The following ZNF638 variants were observed in gnomAD, a reference collection of about 807,000 sequenced individuals.
ZNF638 encodes the protein zinc finger protein 638, also known as CTCL tumor antigen se33-1.
A neutral mutation model predicts 195.6 loss-of-function variants in ZNF638; 46 were observed. The ratio of observed to expected loss-of-function variants is 0.24; its 90% confidence interval spans 0.19 to 0.30. The LOEUF is 0.30. ZNF638 is among the 10% of genes least tolerant of loss of function. ZNF638 has a pLI of 1.00. For synonymous variants in ZNF638, 845 were observed against 772.0 expected (o/e 1.09, Z -1.57); for missense variants, 2,440 against 2,325.3 (o/e 1.05, Z -1.01).
chr2:71,334,740 A>C (rs184985516), intron 1 of ZNF638: 2 of 152,324 alleles, frequency 1.3e-5, no homozygotes, highest in Non-Finnish European at 2.9e-5. Context: ...TAACACGGTG[A>C]ATCCCCATCT....
At chr2:71,403,262 T>G (rs930394171) in intron 16 of ZNF638, among the ~76,000 whole-genome samples, 3 of 152,146 alleles carry the variant, frequency 2.0e-5, no homozygotes, top group African/African-American at 4.8e-5. Flanking sequence ...CCTTAAGAGA[T>G]AATTCATTTC....
At chr2:71,418,113 G>A (rs531702012) in intron 20 of ZNF638, 13 of 152,226 alleles carry the variant, frequency 8.5e-5, no homozygotes, top group African/African-American at 3.1e-4. Flanking sequence ...GCTTTCTTGG[G>A]ACCCACATAT....
chr2:71,394,295 A>T (rs1472307384), intron 10 of ZNF638, among the ~76,000 whole-genome samples: 2 of 152,120 alleles, frequency 1.3e-5, no homozygotes, highest in East Asian at 3.9e-4. Flanking sequence ...AGTCCTTGCC[A>T]CCCCAAGACA....
intron 21 of ZNF638, among the ~76,000 whole-genome samples, chr2:71,420,034 C>G (rs1429675990): frequency 1.8e-5 from 2 of 112,818 alleles, no homozygotes; most frequent in African/African-American, 6.9e-5. Flanking sequence ...GGGATATGTC[C>G]AGAATACTAA....
At position 71,420,084 on chromosome 2, in the gene ZNF638, TTTG is replaced by T. The variant is rs2080398104; in HGVS notation, c.3299+1451_3299+1453del. On this transcript the variant is annotated intron_variant, in intron 21 of 27. Coordinates refer to ENST00000264447, the MANE Select transcript of ZNF638 (RefSeq NM_014497.5). ...GTGAACTGATGCTGAGAAAATACTA[TTTG>T]TTGTTTTTGTTGTGTTTTTTTTTAG... 2.0e-5 allele frequency among the ~76,000 whole-genome samples: 3 copies of T among 150,174 alleles called. No individual in the cohort carries two copies. In the Admixed American group the frequency reaches 2.0e-4, roughly 10 times the overall value.
At chr2:71,401,931 C>T (rs766302407) in intron 15 of ZNF638, 25 bp from the exon 16 acceptor site, 55 of 1,536,746 alleles carry the variant, frequency 3.6e-5, no homozygotes, top group Non-Finnish European at 4.6e-5. Context: ...ATTTTAATAA[C>T]AGGTTTTAAA....
Position 71,350,065 on chromosome 2 carries a change from A to G in ZNF638, c.1111A>G (p.Lys371Glu). 2 of 1,614,208 alleles carry G rather than the reference A, an allele frequency of 1.2e-6. No homozygotes were observed. The highest frequency in any genetic ancestry group is 8.5e-7 in the Non-Finnish European group (1 of 1,180,044). Residue 371 changes from lysine (K) to glutamate (E), a missense_variant, in exon 2 of 28, where the codon AAG (lysine) becomes GAG (glutamate). This residue lies in a region of ZNF638 where 305 missense variants were observed against 283.6 expected (regional missense o/e 1.08). Transcript: ENST00000264447. ...ACATGTTGGATCAAGAGGAAGTAAAAAGAATTACCAGTCACAGGCTGACAT... is the reference window on the plus strand; with the variant it reads ...ACATGTTGGATCAAGAGGAAGTAAAGAGAATTACCAGTCACAGGCTGACAT... ...NVHVGSRGSKKNYQSQADIPI... is the reference protein window; with the variant it reads ...NVHVGSRGSKENYQSQADIPI...
At position 71,367,557 on chromosome 2, in the gene ZNF638, A is replaced by G. The variant is rs1323520499; in HGVS notation, c.1996-825A>G. Reference sequence around the variant, plus strand: ...AAGTGATTCTCCTGCCTCCTGCCTTAGCCTCCTGAGCAGCTGGGATTATAG... The same window carrying G: ...AAGTGATTCTCCTGCCTCCTGCCTTGGCCTCCTGAGCAGCTGGGATTATAG... On this transcript the variant is annotated intron_variant, in intron 6 of 27. Transcript: ENST00000264447. Among the ~76,000 whole-genome samples, 4 of 147,904 alleles carry G rather than the reference A, an allele frequency of 2.7e-5. No individual in the cohort carries two copies. The East Asian group carries it at 8.1e-4, about 30-fold the overall frequency.
chr2:71,376,783 T>TAAG (rs967206462), intron 8 of ZNF638, among the ~76,000 whole-genome samples: 1 of 152,208 alleles, frequency 6.6e-6, no homozygotes, highest in African/African-American at 2.4e-5. Flanking sequence ...CTAGGTAACT[T>TAAG]AGTCTTTAAT....
In ZNF638 at chr2:71,423,619, C is replaced by G; in HGVS notation, c.4105C>G (p.Gln1369Glu). Reference protein sequence around the residue: ...FKAYPNKGVGQANKPDETSKT... With the variant: ...FKAYPNKGVGEANKPDETSKT... ...GGCATACCCAAATAAAGGAGTGGGTCAGGCTAATAAGCCTGATGAAACTAG... is the reference window on the plus strand; with the variant it reads ...GGCATACCCAAATAAAGGAGTGGGTGAGGCTAATAAGCCTGATGAAACTAG... The change falls in exon 22 of 28, where the codon CAG becomes GAG. Residue 1369 changes from glutamine to glutamate, a missense_variant. Around this residue, in one of 5 missense-constraint regions of ZNF638, gnomAD observed 1,883 missense variants for 1,739.1 expected, o/e 1.08. Transcript: ENST00000264447. 2 of 1,613,932 alleles carry G rather than the reference C, an allele frequency of 1.2e-6. No homozygotes were observed. The highest frequency in any genetic ancestry group is 1.7e-6 in the Non-Finnish European group (2 of 1,180,002).
intron 16 of ZNF638, 80 bp downstream of exon 16, chr2:71,402,167 G>T: frequency 1.4e-6 from 2 of 1,442,968 alleles, no homozygotes; most frequent in Non-Finnish European, 1.9e-6. Flanking sequence ...AAACTAAAAA[G>T]AAAAGGTTTA....
chr2:71,418,997 G>A (rs530986286), intron 21 of ZNF638, among the ~76,000 whole-genome samples: 184 of 152,152 alleles, frequency 1.2e-3, no homozygotes, highest in African/African-American at 4.2e-3. Flanking sequence ...AAATAAACAC[G>A]GTAGTAAAAT....
At chr2:71,417,658 G>A (rs2080328780) in intron 20 of ZNF638, among the ~76,000 whole-genome samples, 1 of 151,306 alleles carries the variant, frequency 6.6e-6, no homozygotes, top group South Asian at 2.1e-4. Context: ...ATACCATGCA[G>A]GGTTTTTTTT....
intron 27 of ZNF638, among the ~76,000 whole-genome samples, chr2:71,434,537 C>A (rs1325265743): frequency 6.6e-6 from 1 of 152,100 alleles, no homozygotes; most frequent in Non-Finnish European, 1.5e-5. Flanking sequence ...CCCACCGAAT[C>A]CTCAGGCACC....
rs2079000778 is a variant in ZNF638, at chr2:71,354,991, CAG to C, written c.1318-725_1318-724del. 5.3e-5 allele frequency among the ~76,000 whole-genome samples: 8 copies of C among 151,648 alleles called. No individual in the cohort carries two copies. The South Asian group carries it at 1.5e-3, about 28-fold the overall frequency. On this transcript the variant is annotated intron_variant, in intron 2 of 27. Coordinates refer to ENST00000264447, the MANE Select transcript of ZNF638 (RefSeq NM_014497.5). ...ATTTTTATTTTTATTTTTTTGGAGA[CAG>C]AGTCTCGCTCTGTCGCCCAGGCTGG...
At chr2:71,398,654 G>T (rs1363749562) in intron 11 of ZNF638, 47 bp from the exon 12 acceptor site, 1 of 1,399,596 alleles carries the variant, frequency 7.1e-7, no homozygotes, top group African/African-American at 1.4e-5. Flanking sequence ...GGAGATTGTT[G>T]ATACTAGTTA....
In ZNF638 at chr2:71,369,995, A is replaced by G. The variant is rs1454892041; in HGVS notation, c.2255A>G (p.Lys752Arg). The change falls in exon 8 of 28, where the codon AAA (lysine) becomes AGA (arginine). Residue 752 changes from lysine (K) to arginine (R), a missense_variant. Around this residue, in one of 5 missense-constraint regions of ZNF638, gnomAD observed 1,883 missense variants for 1,739.1 expected, o/e 1.08. Transcript: ENST00000264447. ...KSVKICVPGKKKAQNKEVKKK... is the reference protein window; with the variant it reads ...KSVKICVPGKRKAQNKEVKKK... Reference sequence around the variant, plus strand: ...GTGAAAATATGTGTTCCAGGAAAGAAAAAAGCACAGGTAATCTGGATTTAG... The same window carrying G: ...GTGAAAATATGTGTTCCAGGAAAGAGAAAAGCACAGGTAATCTGGATTTAG... 1.3e-6 allele frequency: 2 copies of G among 1,592,744 alleles called. No individual in the cohort carries two copies. Among genetic ancestry groups the G allele is most frequent in the South Asian group, 1.2e-5 (1 of 85,310 alleles).
chr2:71,372,453 C>G (rs2079331161), intron 8 of ZNF638, among the ~76,000 whole-genome samples: 1 of 152,182 alleles, frequency 6.6e-6, no homozygotes, highest in South Asian at 2.1e-4. Flanking sequence ...GTAAAGTCCC[C>G]TAGTTACTGC....
Position 71,404,593 on chromosome 2 carries a change from C to T in ZNF638, c.2958+595C>T, listed in dbSNP as rs146319289. Reference sequence around the variant, plus strand: ...TTAGCTGGGCCTGAAGGCGCACACCCGTGGTCCCAGCTCCTCAGGATGCTG... The same window carrying T: ...TTAGCTGGGCCTGAAGGCGCACACCTGTGGTCCCAGCTCCTCAGGATGCTG... On this transcript the variant is annotated intron_variant, in intron 17 of 27. Transcript: ENST00000264447. 2.4e-3 allele frequency among the ~76,000 whole-genome samples: 367 copies of T among 152,192 alleles called. 1 individual carries two copies. The highest frequency in any genetic ancestry group is 8.5e-3 in the African/African-American group (353 of 41,520).
Sources: allele counts gnomAD v4.1 joint callset (sites outside exome capture counted in the v4.1 genomes callset), GRCh38; gene constraint gnomAD v4.1.1; regional missense constraint gnomAD v4.1.1; transcripts MANE v1.5; gene names NCBI Gene and HGNC (gene_info 2026-07-23, HGNC 2026-07-21).